Variants in NAV3 observed in about 807,000 individuals in gnomAD.
NAV3 encodes pore membrane and/or filament interacting like protein 1.
A neutral mutation model predicts 244.7 loss-of-function variants in NAV3; 87 were observed. The observed-to-expected ratio is 0.36, with a 90% CI of 0.30 to 0.42. The LOEUF (loss-of-function observed/expected upper bound fraction) is 0.42, where lower values mean the gene tolerates loss of function less well. Ranked by LOEUF, NAV3 falls within the 20% of genes least tolerant of loss-of-function variation. The probability of loss-of-function intolerance (pLI) is 1.00; values close to 1 mark genes in which losing one functional copy is unlikely to be tolerated. For synonymous variants in NAV3, 1,126 were observed against 1,042.2 expected (o/e 1.08, Z -1.55); for missense variants, 2,663 against 2,893.3 (o/e 0.92, Z 1.83).
intron 23 of NAV3, among the ~76,000 whole-genome samples, chr12:78,165,232 A>G (rs1398014443): frequency 6.6e-6 from 1 of 152,054 alleles, no homozygotes; most frequent in Admixed American, 6.6e-5. Context: ...AGGTTTTAAA[A>G]TATCTATCAT....
intron 1 of NAV3, among the ~76,000 whole-genome samples, chr12:77,836,855 C>T (rs182625257): frequency 4.6e-5 from 7 of 152,194 alleles, no homozygotes; most frequent in Admixed American, 2.6e-4. Flanking sequence ...AGAGTAGAGG[C>T]GTTTATGTCC....
intron 1 of NAV3, among the ~76,000 whole-genome samples, chr12:77,842,700 T>A (rs1875892944): frequency 6.6e-6 from 1 of 151,882 alleles, no homozygotes; most frequent in African/African-American, 2.4e-5. Context: ...TGTGAATGGA[T>A]CACTGGAAAA....
chr12:77,946,099 T>C (rs1890313636), intron 3 of NAV3, among the ~76,000 whole-genome samples: 1 of 54,478 alleles, frequency 1.8e-5, no homozygotes, highest in Non-Finnish European at 3.5e-5. Context: ...CATATATATA[T>C]ATGTATATAT....
At chr12:77,925,017 C>A (rs1888054720) in intron 1 of NAV3, among the ~76,000 whole-genome samples, 2 of 151,998 alleles carry the variant, frequency 1.3e-5, no homozygotes, top group South Asian at 4.1e-4. Context: ...CCCAGAATTT[C>A]TGACTCCAGG....
intron 2 of NAV3, among the ~76,000 whole-genome samples, chr12:77,750,888 G>A (rs1868817781): frequency 6.6e-6 from 1 of 152,230 alleles, no homozygotes; most frequent in African/African-American, 2.4e-5. Context: ...GGAACTAACA[G>A]AATGGCAGTT....
chr12:77,980,330 T>C (rs1232426805), intron 5 of NAV3, among the ~76,000 whole-genome samples: 1 of 152,168 alleles, frequency 6.6e-6, no homozygotes, highest in Non-Finnish European at 1.5e-5. Flanking sequence ...ATATTTTCTT[T>C]GCATTAAATG....
intron 30 of NAV3, among the ~76,000 whole-genome samples, chr12:78,182,567 CT>C (rs1565772884): frequency 6.6e-6 from 1 of 151,654 alleles, no homozygotes. Context: ...ATAAAAAAAA[CT>C]TAGTATCTAG....
At chr12:77,720,965 A>G (rs754876948) in intron 2 of NAV3, among the ~76,000 whole-genome samples, 5 of 152,162 alleles carry the variant, frequency 3.3e-5, no homozygotes, top group African/African-American at 4.8e-5. Context: ...CTTCAGGGCC[A>G]TAGATATAAG....
In NAV3 at chr12:77,721,849, A is replaced by G. The variant is rs188235268; in HGVS notation, c.72+149583A>G. Among the ~76,000 whole-genome samples the G allele has an allele frequency of 5.0e-4, 76 of 152,202 alleles. No individual in the cohort carries two copies. The East Asian group carries it at 0.013, about 26-fold the overall frequency. ...TAAAATACATGTGTCATTATTTGAA[A>G]TCCCAAAGTCTATGAATTGAATCAA... On this transcript the variant is annotated intron_variant, in intron 2 of 8. Coordinates refer to the NAV3 transcript ENST00000550042.
chr12:77,790,784 AG>A (rs1871143896), intron 2 of NAV3, among the ~76,000 whole-genome samples: 1 of 152,152 alleles, frequency 6.6e-6, no homozygotes. Flanking sequence ...CTCAGTGTCT[AG>A]GTAATATAAG....
upstream of NAV3, among the ~76,000 whole-genome samples, chr12:77,828,480 A>G (rs959823503): frequency 6.6e-6 from 1 of 152,138 alleles, no homozygotes; most frequent in African/African-American, 2.4e-5. Flanking sequence ...TCACCATCAC[A>G]TCTGGTTTGT....
intron 2 of NAV3, among the ~76,000 whole-genome samples, chr12:77,710,809 C>T (rs1009438279): frequency 3.3e-5 from 5 of 152,072 alleles, no homozygotes; most frequent in African/African-American, 1.2e-4. Context: ...TTTAAGTCCT[C>T]TTTTTGATCT....
At chr12:77,714,374 T>A (rs754668049) in intron 2 of NAV3, among the ~76,000 whole-genome samples, 1 of 152,142 alleles carries the variant, frequency 6.6e-6, no homozygotes, top group Non-Finnish European at 1.5e-5. Flanking sequence ...TTGCTAATTA[T>A]GTGCGGAACT....
chr12:77,961,366 TAATA>T (rs1044509655), intron 3 of NAV3, among the ~76,000 whole-genome samples: 1 of 141,670 alleles, frequency 7.1e-6, no homozygotes, highest in Non-Finnish European at 1.5e-5. Flanking sequence ...ATATGTAATA[TAATA>T]AATATATTAA....
chr12:77,603,409 T>C (rs539586803), intron 2 of NAV3, among the ~76,000 whole-genome samples: 10 of 151,620 alleles, frequency 6.6e-5, no homozygotes, highest in Non-Finnish European at 1.0e-4. Context: ...CACCTTGATC[T>C]ATGGATTAAT....
chr12:77,686,058 T>TC (rs1310462435), intron 2 of NAV3, among the ~76,000 whole-genome samples: 3 of 152,164 alleles, frequency 2.0e-5, no homozygotes, highest in Non-Finnish European at 4.4e-5. Flanking sequence ...GAATTCCTCC[T>TC]CTCCCATCAT....
intron 5 of NAV3, among the ~76,000 whole-genome samples, chr12:77,983,451 A>G (rs1869924456): frequency 6.6e-6 from 1 of 152,138 alleles, no homozygotes; most frequent in African/African-American, 2.4e-5. Context: ...TGATAGTGGA[A>G]ACAGATGGGA....
intron 2 of NAV3, among the ~76,000 whole-genome samples, chr12:77,764,455 G>A (rs1043810658): frequency 6.6e-6 from 1 of 152,022 alleles, no homozygotes; most frequent in African/African-American, 2.4e-5. Context: ...AAATAAACTA[G>A]GTTTGAACAA....
intron 2 of NAV3, among the ~76,000 whole-genome samples, chr12:77,676,104 G>A (rs1874192979): frequency 6.6e-6 from 1 of 151,722 alleles, no homozygotes; most frequent in African/African-American, 2.4e-5. Flanking sequence ...TTTATTTTAA[G>A]TTCTAGGATA....
Sources: gnomAD v4.1 joint callset for allele counts (sites outside exome capture counted in the v4.1 genomes callset) on GRCh38, gnomAD v4.1.1 for gene constraint, MANE v1.5 for transcripts, NCBI Gene and HGNC (gene_info 2026-07-23, HGNC 2026-07-21) for gene names.